Variants in PARP11 observed in about 807,000 individuals in gnomAD.
PARP11 encodes protein mono-ADP-ribosyltransferase PARP11.
PARP11 carries 31 observed loss-of-function variants against 42.9 expected under a neutral mutation model. The ratio of observed to expected loss-of-function variants is 0.72; its 90% CI spans 0.54 to 0.98. The LOEUF is 0.98. Among genes scored for constraint, PARP11 ranks in the 50% least tolerant of loss-of-function variants. PARP11 has a pLI of 0.00. For missense variants in PARP11, 365 were observed against 413.1 expected, an observed-to-expected ratio of 0.88 and a Z score of 1.01; for synonymous variants, 137 against 127.3, an observed-to-expected ratio of 1.08 and a Z score of -0.51.
Position 3,814,043 on chromosome 12 carries a change from C to T in PARP11, c.694G>A (p.Gly232Arg). 2 of 1,546,180 alleles carry T rather than the reference C, an allele frequency of 1.3e-6. No homozygotes were observed. Among genetic ancestry groups the T allele is most frequent in the South Asian group, 1.3e-5 (1 of 79,292 alleles). ...CTGGAATTCTGATAATTACCTTTTC[C>T]AAAGACAGCACCATGTATACCATTT... is the stretch of plus-strand genomic sequence containing the variant. ...RINGIHGAVF[G>R]KGTYFARDAA... Residue 232 changes from glycine to arginine, a missense_variant, in exon 7 of 8, where the codon GGA becomes AGA. By Grantham distance (125) the Gly-to-Arg change is moderately radical. Transcript: ENST00000228820.
At position 3,811,555 on chromosome 12, in the gene PARP11, CTTGT is replaced by C. The variant is rs1372690244; in HGVS notation, c.*564_*567del. 1 of 152,372 alleles carries C rather than the reference CTTGT, an allele frequency of 6.6e-6. No homozygotes were observed. Among genetic ancestry groups the C allele is most frequent in the Non-Finnish European group, 1.5e-5 (1 of 68,072 alleles). 9.4% of individuals were successfully genotyped at this position (152,372 alleles called of 1,614,324 possible). A position where few individuals can be genotyped will look rare whatever the true frequency, so the allele number is the denominator to read the frequency against. On this transcript the variant is annotated 3_prime_UTR_variant, in exon 8 of 8. Coordinates refer to ENST00000228820, the MANE Select transcript of PARP11 (RefSeq NM_020367.6). ...TTCTACCTTGATTTTCTCCTTCTGG[CTTGT>C]TTGACAGCACTGCAAATAATTGTCT...
intron 3 of PARP11, 134 bp downstream of exon 3, chr12:3,828,776 A>G: frequency 2.9e-6 from 2 of 690,946 alleles, no homozygotes; most frequent in Non-Finnish European, 4.6e-6. Flanking sequence ...ATTTTTATAG[A>G]GGTATTTTTG....
chr12:3,840,501 TCAGAAA>T lies in PARP11; in HGVS notation c.19-10489_19-10484del. On this transcript the variant is annotated intron_variant, in intron 1 of 7. Coordinates refer to ENST00000228820, the MANE Select transcript of PARP11 (RefSeq NM_020367.6). The surrounding 1 kb of genome is among the most constrained non-coding windows in gnomAD (Gnocchi z 4.4). The stretch of plus-strand genomic sequence containing the variant: ...CTAGTCATTCTTCAGGGTCACAGTC[TCAGAAA>T]TTCTCCAGTGAGCACAAAAATCTTA... The T allele has an allele frequency of 6.2e-7, 1 of 1,612,832 alleles. No individual in the cohort carries two copies. Among genetic ancestry groups the T allele is most frequent in the South Asian group, 1.1e-5 (1 of 91,058 alleles).
At position 3,822,303 on chromosome 12, in the gene PARP11, AATT is replaced by A; in HGVS notation, c.345-149_345-147del. On this transcript the variant is annotated intron_variant, in intron 4 of 7. Coordinates refer to ENST00000228820, the MANE Select transcript of PARP11 (RefSeq NM_020367.6). ...ACAGCCTTCCGTTTCTTCATTTAAAAATTATTGACTGTCGGCCGGGCGCGGTGG... is the reference window on the plus strand; with the variant it reads ...ACAGCCTTCCGTTTCTTCATTTAAAAATTGACTGTCGGCCGGGCGCGGTGG... 5 of 693,208 alleles carry A rather than the reference AATT, an allele frequency of 7.2e-6. No homozygotes were observed. In the South Asian group the frequency reaches 9.4e-5, roughly 13 times the overall value. The allele number at this position is 693,208 out of a possible 1,614,324, so 42.9% of individuals were successfully genotyped here.
At chr12:3,827,883 A>C (rs1035448589) in intron 3 of PARP11, among the ~76,000 whole-genome samples, 3 of 152,182 alleles carry the variant, frequency 2.0e-5, no homozygotes, top group Admixed American at 6.5e-5. Flanking sequence ...CTAAAGGACC[A>C]AGCTGTGTAG....
chr12:3,823,909 C>T (rs1196448833), intron 4 of PARP11, among the ~76,000 whole-genome samples: 1 of 144,772 alleles, frequency 6.9e-6, no homozygotes, highest in Non-Finnish European at 1.5e-5. Context: ...GAGTAAGACT[C>T]TGTCTCAAAA....
At chr12:3,841,460 G>A (rs957267118) in intron 1 of PARP11, 4 of 1,397,260 alleles carry the variant, frequency 2.9e-6, no homozygotes, top group Non-Finnish European at 4.1e-6. Flanking sequence ...GATTGTACCT[G>A]TACTGATGCC....
Position 3,840,338 on chromosome 12 carries a change from A to C in PARP11, c.19-10320T>G. On this transcript the variant is annotated intron_variant, in intron 1 of 7. Transcript: ENST00000228820. The surrounding 1 kb of genome is among the most constrained non-coding windows in gnomAD (Gnocchi z 4.4). ...ACAGTGTCAGGGAAGAAGATGAAAA[A>C]ACCTTCCACTTCTGGACAAAATTTC... 3 of 1,614,086 alleles carry C rather than the reference A, an allele frequency of 1.9e-6. No individual in the cohort carries two copies. The highest frequency in any genetic ancestry group is 2.5e-6 in the Non-Finnish European group (3 of 1,179,966).
chr12:3,867,389 C>T (rs1464187359), intron 1 of PARP11, among the ~76,000 whole-genome samples: 2 of 152,116 alleles, frequency 1.3e-5, no homozygotes, highest in African/African-American at 2.4e-5. Context: ...AAAAAAGGTG[C>T]TGACAAGTTT....
At chr12:3,818,413 T>A (rs2138017502) in intron 6 of PARP11, among the ~76,000 whole-genome samples, 1 of 152,302 alleles carries the variant, frequency 6.6e-6, no homozygotes, top group African/African-American at 2.4e-5. Context: ...TGACATATGT[T>A]CTCAGAATTT....
intron 4 of PARP11, among the ~76,000 whole-genome samples, chr12:3,825,921 G>A (rs981799793): frequency 1.3e-5 from 2 of 151,972 alleles, no homozygotes; most frequent in Non-Finnish European, 2.9e-5. Flanking sequence ...GTAGAGACGG[G>A]GATTCACCGT....
intron 1 of PARP11, among the ~76,000 whole-genome samples, chr12:3,855,713 T>C (rs1948177488): frequency 6.6e-6 from 1 of 152,158 alleles, no homozygotes; most frequent in South Asian, 2.1e-4. Flanking sequence ...AGGTAATTTA[T>C]AGATTCAATG....
chr12:3,840,330 G>T lies in PARP11; in HGVS notation c.19-10312C>A, dbSNP rs572738042. On this transcript the variant is annotated intron_variant, in intron 1 of 7. Coordinates refer to ENST00000228820, the MANE Select transcript of PARP11 (RefSeq NM_020367.6). The surrounding 1 kb of genome is among the most constrained non-coding windows in gnomAD (Gnocchi z 4.4). ...GCTGGAACACAGTGTCAGGGAAGAA[G>T]ATGAAAAAACCTTCCACTTCTGGAC... The T allele has an allele frequency of 2.8e-4, 458 of 1,614,104 alleles. 8 individuals are homozygous for T. In the South Asian group the frequency reaches 4.4e-3, roughly 16 times the overall value.
At chr12:3,842,705 T>A (rs1336043355) in intron 1 of PARP11, among the ~76,000 whole-genome samples, 1 of 152,188 alleles carries the variant, frequency 6.6e-6, no homozygotes, top group East Asian at 1.9e-4. Context: ...TTCCTGGCAT[T>A]GCCGGTTTTC....
At chr12:3,838,847 A>G (rs916242274) in intron 1 of PARP11, among the ~76,000 whole-genome samples, 9 of 151,930 alleles carry the variant, frequency 5.9e-5, no homozygotes, top group African/African-American at 2.2e-4. Context: ...CGGCGTGGGG[A>G]GCGCGCGGGG....
chr12:3,862,206 T>C (rs973835298), intron 1 of PARP11, among the ~76,000 whole-genome samples: 5 of 152,222 alleles, frequency 3.3e-5, no homozygotes, highest in African/African-American at 1.2e-4. Context: ...ACCCAGAAGA[T>C]TGAGACCAGG....
intron 6 of PARP11, 105 bp downstream of exon 6, chr12:3,821,768 A>G (rs1411692010): frequency 8.1e-7 from 1 of 1,228,558 alleles, no homozygotes; most frequent in Non-Finnish European, 1.1e-6. Context: ...GGCAAGAGAA[A>G]AACAGCATGT....
rs1477509300 is a variant in PARP11 at position 3,842,514 on chromosome 12, T to C, written c.19-12496A>G. ...GAGATGGCCATAGGGGACAGCACGCTTGACGGTTGTTGCCGAAGTATTTTC... is the reference window on the plus strand; with the variant it reads ...GAGATGGCCATAGGGGACAGCACGCCTGACGGTTGTTGCCGAAGTATTTTC... On this transcript the variant is annotated intron_variant, in intron 1 of 7. Coordinates refer to ENST00000228820, the MANE Select transcript of PARP11 (RefSeq NM_020367.6). 5.1e-6 allele frequency: 8 copies of C among 1,572,114 alleles called. No individual in the cohort carries two copies. The East Asian group carries it at 1.1e-4, about 22-fold the overall frequency.
Position 3,841,303 on chromosome 12 carries a change from A to T in PARP11, c.19-11285T>A, listed in dbSNP as rs1947885133. 3.6e-5 allele frequency: 46 copies of T among 1,266,024 alleles called. 1 individual carries two copies. The South Asian group carries it at 5.0e-4, about 14-fold the overall frequency. 78.4% of individuals were successfully genotyped at this position (1,266,024 alleles called of 1,614,324 possible). A position where few individuals can be genotyped will look rare whatever the true frequency, so the allele number is the denominator to read the frequency against. On this transcript the variant is annotated intron_variant, in intron 1 of 7. Transcript: ENST00000228820. ...CTTCAATCTTGGTGTGAAGGCATACAGTTGTCCTGTGTGGGCCCCACATTC... is the reference window on the plus strand; with the variant it reads ...CTTCAATCTTGGTGTGAAGGCATACTGTTGTCCTGTGTGGGCCCCACATTC...
Sources: gnomAD v4.1 joint callset for allele counts (sites outside exome capture counted in the v4.1 genomes callset) on GRCh38, gnomAD v4.1.1 for gene constraint, Gnocchi (gnomAD v3.1) non-coding constraint, MANE v1.5 for transcripts, NCBI Gene and HGNC (gene_info 2026-07-23, HGNC 2026-07-21) for gene names.